Variants in A2ML1 observed in about 807,000 individuals in gnomAD.
A2ML1 encodes the protein alpha-2-macroglobulin like 1.
A2ML1 carries 161 observed loss-of-function variants against 181.9 expected under a neutral mutation model. The observed-to-expected ratio is 0.89, with a 90% confidence interval of 0.78 to 1.01. The LOEUF is 1.01. Among genes scored for constraint, A2ML1 ranks in the 50% least tolerant of loss-of-function variants. The pLI, the probability that A2ML1 is intolerant of heterozygous loss-of-function variation, is 0.00. For synonymous variants in A2ML1, 663 were observed against 666.8 expected, an observed-to-expected ratio of 0.99 and a Z score of 0.09; for missense variants, 1,670 against 1,768.1, an observed-to-expected ratio of 0.94 and a Z score of 1.00.
Position 8,867,836 on chromosome 12 carries a change from C to T in A2ML1, c.3718-6C>T, listed in dbSNP as rs1944470448. The T allele has an allele frequency of 6.2e-7, 1 of 1,613,488 alleles. No individual in the cohort carries two copies. The highest frequency in any genetic ancestry group is 1.7e-5 in the Admixed American group (1 of 60,028). Reference sequence around the variant, plus strand: ...TGGTAAGTATACGTTTGGTTGTTTCCCTCAGGATACTGTAGTTGCTCTCCA... The same window carrying T: ...TGGTAAGTATACGTTTGGTTGTTTCTCTCAGGATACTGTAGTTGCTCTCCA... On this transcript the variant is annotated splice_region_variant and splice_polypyrimidine_tract_variant and intron_variant, in intron 29 of 35. Transcript: ENST00000299698.
chr12:8,835,756 G>A (rs1943251234), intron 6 of A2ML1, 90 bp downstream of exon 6: 7 of 1,534,550 alleles, frequency 4.6e-6, no homozygotes, highest in South Asian at 1.2e-5. Context: ...GCTCACGCCT[G>A]TAATCCCAGG....
At chr12:8,826,889 G>A (rs2136712926) in intron 3 of A2ML1, among the ~76,000 whole-genome samples, 1 of 152,208 alleles carries the variant, frequency 6.6e-6, no homozygotes, top group African/African-American at 2.4e-5. Flanking sequence ...AAAGTGCTGG[G>A]GTTACACGCG....
chr12:8,845,220 G>A lies in A2ML1; in HGVS notation c.1477-222G>A, dbSNP rs751389802. 23 of 1,534,682 alleles carry A rather than the reference G, an allele frequency of 1.5e-5. No individual in the cohort carries two copies. The African/African-American group carries it at 1.8e-4, about 12-fold the overall frequency. ...TGTCAGACTCCTCCCATCCACCTGC[G>A]TGGTTCTCAGCCAGACCTCCAACTG... On this transcript the variant is annotated intron_variant, in intron 12 of 35. Transcript: ENST00000299698.
exon 8 of A2ML1, chr12:8,886,805 G>A (rs1325597597): frequency 1.3e-5 from 2 of 152,052 alleles, no homozygotes; most frequent in African/African-American, 4.8e-5. Flanking sequence ...CACTTTAAAG[G>A]CCCTGTCTCC....
chr12:8,849,356 G>A (rs1366711098), intron 16 of A2ML1, among the ~76,000 whole-genome samples: 2 of 152,172 alleles, frequency 1.3e-5, no homozygotes, highest in African/African-American at 4.8e-5. Context: ...TTGTTGAATT[G>A]AGTACGCTGA....
intron 29 of A2ML1, among the ~76,000 whole-genome samples, chr12:8,867,423 G>A (rs901630877): frequency 1.3e-5 from 2 of 152,132 alleles, no homozygotes; most frequent in Admixed American, 6.6e-5. Context: ...CAAGGCAGCC[G>A]GACCACCTGA....
At chr12:8,839,618 T>C (rs1189806141) in intron 10 of A2ML1, among the ~76,000 whole-genome samples, 1 of 152,234 alleles carries the variant, frequency 6.6e-6, no homozygotes, top group Non-Finnish European at 1.5e-5. Context: ...AATCTTCATA[T>C]TTAAGAGCTG....
chr12:8,880,237 G>A (rs772003064), downstream of A2ML1, among the ~76,000 whole-genome samples: 1 of 152,176 alleles, frequency 6.6e-6, no homozygotes, highest in South Asian at 2.1e-4. Context: ...GTGGTGGCAG[G>A]TGCCTATAAT....
Position 8,854,252 on chromosome 12 carries a change from G to C in A2ML1, c.2712+3G>C, listed in dbSNP as rs1943986611. 5 of 1,594,076 alleles carry C rather than the reference G, an allele frequency of 3.1e-6. No individual in the cohort carries two copies. In the African/African-American group the frequency reaches 6.7e-5, roughly 21 times the overall value. ...TCATCAAGCCAGTTCTCGTCAAAGT[G>C]AGTTTTCTTCAGAGGTAGAGACAGC... On this transcript the variant is annotated splice_donor_region_variant and intron_variant, in intron 21 of 35. Coordinates refer to ENST00000299698, the MANE Select transcript of A2ML1 (RefSeq NM_144670.6).
chr12:8,875,948 T>C (rs962711937), intron 35 of A2ML1, 110 bp from the exon 36 acceptor site: 1 of 152,176 alleles, frequency 6.6e-6, no homozygotes, highest in Non-Finnish European at 1.5e-5. Context: ...ACTGTGCATT[T>C]GTGAGATTTT....
chr12:8,857,894 C>A (rs1365519820), intron 25 of A2ML1, 52 bp from the exon 26 acceptor site: 1 of 1,595,156 alleles, frequency 6.3e-7, no homozygotes, highest in Non-Finnish European at 8.6e-7. Context: ...AATGATTGCA[C>A]CCTCACCTGG....
intron 10 of A2ML1, 88 bp from the exon 11 acceptor site, chr12:8,841,281 A>G: frequency 1.6e-6 from 2 of 1,248,298 alleles, no homozygotes; most frequent in Non-Finnish European, 2.2e-6. Context: ...AACCACAATT[A>G]GTTTGCACCA....
chr12:8,863,790 A>G lies in A2ML1; in HGVS notation c.3503-4A>G. The G allele has an allele frequency of 1.2e-6, 2 of 1,614,058 alleles. No individual in the cohort carries two copies. Among genetic ancestry groups the G allele is most frequent in the Non-Finnish European group, 1.7e-6 (2 of 1,179,962 alleles). ...ACATCCTAGTTATGTTTCTTTTTCC[A>G]TAGGAGAATCCATTTACTGGAGCCA... On this transcript the variant is annotated splice_polypyrimidine_tract_variant and splice_region_variant and intron_variant, in intron 28 of 35. Transcript: ENST00000299698.
intron 18 of A2ML1, among the ~76,000 whole-genome samples, chr12:8,851,268 G>C (rs1649162596): frequency 6.6e-6 from 1 of 152,150 alleles, no homozygotes; most frequent in Non-Finnish European, 1.5e-5. Context: ...CTTGCACAGA[G>C]ATGCCCACCC....
At chr12:8,842,953 C>T (rs1592123300) in intron 11 of A2ML1, among the ~76,000 whole-genome samples, 181 bp from the exon 12 acceptor site, 1 of 152,170 alleles carries the variant, frequency 6.6e-6, no homozygotes, top group East Asian at 1.9e-4. Context: ...TATTGCTGTA[C>T]ACAGCTACGT....
chr12:8,845,652 C>T, intron 13 of A2ML1, 150 bp downstream of exon 13: 1 of 716,788 alleles, frequency 1.4e-6, no homozygotes, highest in East Asian at 2.8e-5. Flanking sequence ...TCGAGACCAT[C>T]TTGGCTAACA....
chr12:8,882,637 T>G (rs1944882178), intron 7 of A2ML1, among the ~76,000 whole-genome samples: 1 of 152,068 alleles, frequency 6.6e-6, no homozygotes. Flanking sequence ...AACTAACCCT[T>G]AGAATTGTGT....
chr12:8,838,409 A>G lies in A2ML1; in HGVS notation c.929A>G (p.His310Arg). 6.2e-7 allele frequency: 1 copy of G among 1,613,980 alleles called. No individual in the cohort carries two copies. Among genetic ancestry groups the G allele is most frequent in the East Asian group, 2.2e-5 (1 of 44,874 alleles). ...TFDLIGYAYS[H>R]QINIVATVVE... ...GACCTCATTGGATATGCGTACAGCC[A>G]TCAAATCAATATTGTGGCTACTGTT... Residue 310 changes from histidine (H) to arginine (R), a missense_variant, in exon 9 of 36, where the codon CAT becomes CGT. Coordinates refer to ENST00000299698, the MANE Select transcript of A2ML1 (RefSeq NM_144670.6).
At chr12:8,847,808 A>G in intron 15 of A2ML1, 110 bp downstream of exon 15, 4 of 1,372,000 alleles carry the variant, frequency 2.9e-6, no homozygotes, top group Non-Finnish European at 3.9e-6. Flanking sequence ...ATGCACTGCC[A>G]TAAGGCGGTA....
Sources: allele counts gnomAD v4.1 joint callset (sites outside exome capture counted in the v4.1 genomes callset), GRCh38; gene constraint gnomAD v4.1.1; transcripts MANE v1.5; gene names NCBI Gene and HGNC (gene_info 2026-07-23, HGNC 2026-07-21).